PIEZO2: variants seen among roughly 807,000 people sequenced by gnomAD.
PIEZO2 encodes piezo type mechanosensitive ion channel component 2, also known as piezo-type mechanosensitive ion channel component 2.
A neutral mutation model predicts 337.3 loss-of-function variants in PIEZO2; 172 were observed. The observed-to-expected ratio is 0.51, with a 90% CI of 0.45 to 0.58. The LOEUF is 0.58. Among genes scored for constraint, PIEZO2 ranks in the 20% least tolerant of loss-of-function variants. The pLI, the probability that PIEZO2 is intolerant of heterozygous loss-of-function variation, is 0.00. For synonymous variants in PIEZO2, 1,251 were observed against 1,228.5 expected (o/e 1.02, Z -0.38); for missense variants, 3,028 against 3,391.3 (o/e 0.89, Z 2.66).
Position 11,127,791 on chromosome 18 carries a change from G to GTGTGTGCA in PIEZO2, c.64+20733_64+20734insTGCACACA, listed in dbSNP as rs1568397620. Among the ~76,000 whole-genome samples, 4 of 77,198 alleles carry GTGTGTGCA rather than the reference G, an allele frequency of 5.2e-5. No homozygotes were observed. The highest frequency in any genetic ancestry group is 3.8e-4 in the East Asian group (1 of 2,634). The allele number at this position is 77,198 out of a possible 152,430, so 50.6% of individuals were successfully genotyped here. A position where few individuals can be genotyped will look rare whatever the true frequency, so the allele number is the denominator to read the frequency against. ...ATATGATATATATGCATATACGTGTGTGTGTGTGTGCATGTGTGTGTGTGT... is the reference window on the plus strand; with the variant it reads ...ATATGATATATATGCATATACGTGTGTGTGTGCATGTGTGTGTGCATGTGTGTGTGTGT... On this transcript the variant is annotated intron_variant, in intron 1 of 55. Coordinates refer to ENST00000674853, the MANE Select transcript of PIEZO2 (RefSeq NM_001378183.1). The surrounding 1 kb of genome is among the most constrained non-coding windows in gnomAD (Gnocchi z 4.5).
At chr18:11,039,334 C>T (rs187561132) in intron 2 of PIEZO2, among the ~76,000 whole-genome samples, 24 of 152,254 alleles carry the variant, frequency 1.6e-4, no homozygotes, top group Admixed American at 1.0e-3. Context: ...ACAAATGGAA[C>T]ATTCTATAGG....
rs1243764694 is a variant in PIEZO2 at position 11,047,867 on chromosome 18, C to T, written c.160+18260G>A. On this transcript the variant is annotated intron_variant, in intron 2 of 55. Transcript: ENST00000674853. This position sits in a 1 kb window ranked among gnomAD's most constrained non-coding sequence, Gnocchi z 7.2. Reference sequence around the variant, plus strand: ...GTTTGAGGGTGACATTCCTTTGCACCTAAGTGCAAAGGGACCTGTAAGAGT... The same window carrying T: ...GTTTGAGGGTGACATTCCTTTGCACTTAAGTGCAAAGGGACCTGTAAGAGT... Among the ~76,000 whole-genome samples the T allele has an allele frequency of 6.6e-6, 1 of 152,164 alleles. No individual in the cohort carries two copies. Among genetic ancestry groups the T allele is most frequent in the Non-Finnish European group, 1.5e-5 (1 of 68,026 alleles).
chr18:10,771,799 C>T (rs967712271), intron 20 of PIEZO2, among the ~76,000 whole-genome samples: 1 of 152,196 alleles, frequency 6.6e-6, no homozygotes, highest in Non-Finnish European at 1.5e-5. Context: ...CCCGCTCTGT[C>T]CTTCCCCTTG....
At position 10,714,779 on chromosome 18, in the gene PIEZO2, T is replaced by C. The variant is rs761771754; in HGVS notation, c.5408A>G (p.His1803Arg). 6.5e-7 allele frequency: 1 copy of C among 1,537,194 alleles called. No homozygotes were observed. The highest frequency in any genetic ancestry group is 1.2e-5 in the South Asian group (1 of 84,036). The change falls in exon 39 of 56, where the codon CAT (histidine) becomes CGT (arginine). Residue 1803 changes from histidine (H) to arginine (R), a missense_variant. By Grantham distance (29) the His-to-Arg change is conservative. This residue lies in a region of PIEZO2 where 1,925 missense variants were observed against 2,051.9 expected (regional missense o/e 0.94). Transcript: ENST00000674853. ...AGTGAAATACCTGGAGATACTGTCA[T>C]GTGAATCTAAACTATCCATCCTGTG... ...TAHRMDSLDS[H>R]DSISSCYTEA... is the part of the protein sequence containing the mutation.
In PIEZO2 at chr18:11,038,801, C is replaced by A. The variant is rs138787690; in HGVS notation, c.160+27326G>T. Among the ~76,000 whole-genome samples, 183 of 152,168 alleles carry A rather than the reference C, an allele frequency of 1.2e-3. 1 individual carries two copies. Among genetic ancestry groups the A allele is most frequent in the African/African-American group, 4.4e-3 (182 of 41,514 alleles). On this transcript the variant is annotated intron_variant, in intron 2 of 55. Transcript: ENST00000674853. This position sits in a 1 kb window ranked among gnomAD's most constrained non-coding sequence, Gnocchi z 4.1. ...AGCTCTATACAACCTATAGGTATAACGGTGAGACACAAATTAGATAACATA... is the reference window on the plus strand; with the variant it reads ...AGCTCTATACAACCTATAGGTATAAAGGTGAGACACAAATTAGATAACATA...
rs1255539741 is a variant in PIEZO2 at position 11,027,145 on chromosome 18, A to G, written c.160+38982T>C. On this transcript the variant is annotated intron_variant, in intron 2 of 55. Transcript: ENST00000674853. This position sits in a 1 kb window ranked among gnomAD's most constrained non-coding sequence, Gnocchi z 4.2. ...TGACAAACAGCGATTTGGACAAACT[A>G]AAGTAGGAGCCAGAATTCAAGGGGC... Among the ~76,000 whole-genome samples the G allele has an allele frequency of 6.6e-6, 1 of 152,200 alleles. No homozygotes were observed. Among genetic ancestry groups the G allele is most frequent in the South Asian group, 2.1e-4 (1 of 4,830 alleles).
Position 10,859,901 on chromosome 18 carries a change from G to T in PIEZO2, c.493-2690C>A, listed in dbSNP as rs1309105792. ...GAGGGAGTGGTGGGGCTGAAGTGAA[G>T]ATCCTGTCTTTGGAGTCTGTTTTGG... On this transcript the variant is annotated intron_variant, in intron 5 of 55. Coordinates refer to ENST00000674853, the MANE Select transcript of PIEZO2 (RefSeq NM_001378183.1). The surrounding 1 kb of genome is among the most constrained non-coding windows in gnomAD (Gnocchi z 4.9). Among the ~76,000 whole-genome samples, 3 of 152,178 alleles carry T rather than the reference G, an allele frequency of 2.0e-5. No individual in the cohort carries two copies. Among genetic ancestry groups the T allele is most frequent in the Admixed American group, 2.0e-4 (3 of 15,286 alleles).
chr18:10,916,193 T>A (rs1598680360), intron 3 of PIEZO2, among the ~76,000 whole-genome samples: 2 of 152,280 alleles, frequency 1.3e-5, no homozygotes, highest in Admixed American at 1.3e-4. Context: ...ACAAAAGTTC[T>A]CCAAGTCACC....
rs2040820557 is a variant in PIEZO2 at position 11,146,706 on chromosome 18, T to C, written c.64+1819A>G. 6.6e-6 allele frequency among the ~76,000 whole-genome samples: 1 copy of C among 152,228 alleles called. No homozygotes were observed. Among genetic ancestry groups the C allele is most frequent in the Non-Finnish European group, 1.5e-5 (1 of 68,026 alleles). On this transcript the variant is annotated intron_variant, in intron 1 of 55. Transcript: ENST00000674853. The surrounding 1 kb of genome is among the most constrained non-coding windows in gnomAD (Gnocchi z 6.1). The stretch of plus-strand genomic sequence containing the variant: ...TCAGGGCAAGGTCGCAGGCAATCGC[T>C]GCTGGCACTTCATTCCGCCACTGGT...
intron 3 of PIEZO2, among the ~76,000 whole-genome samples, chr18:10,978,377 C>G (rs957039371): frequency 6.6e-6 from 1 of 151,608 alleles, no homozygotes; most frequent in Non-Finnish European, 1.5e-5. Context: ...AACTGCTGAA[C>G]TGTATATTTT....
chr18:10,908,651 G>A (rs1045077950), intron 4 of PIEZO2: 7 of 152,196 alleles, frequency 4.6e-5, no homozygotes, highest in Non-Finnish European at 1.5e-5. Context: ...GCCCTTAAAC[G>A]AGAAAACCTG....
At position 10,794,869 on chromosome 18, in the gene PIEZO2, A is replaced by T. The variant is rs978512526; in HGVS notation, c.1661T>A (p.Leu554Ter). Residue 554 changes from leucine (L) to a stop codon, truncating the protein, a stop_gained, in exon 13 of 56, where the codon TTG becomes TAG. Transcript: ENST00000674853. LOFTEE classifies it high-confidence loss of function. This position sits in a 1 kb window ranked among gnomAD's most constrained non-coding sequence, Gnocchi z 6.6. The part of the protein sequence containing the change: ...SPFMVVYGNL[L>*]LILQYIWSFE... ...ACTCCATATATACTGTAATATCAAC[A>T]ATAGGTTTCCATAAACCACCATGAA... is the stretch of plus-strand genomic sequence containing the variant. The T allele has an allele frequency of 1.2e-5, 19 of 1,537,532 alleles. No individual in the cohort carries two copies. Among genetic ancestry groups the T allele is most frequent in the Non-Finnish European group, 1.7e-5 (19 of 1,146,722 alleles).
At chr18:11,026,326 G>A (rs2036539531) in intron 2 of PIEZO2, among the ~76,000 whole-genome samples, 1 of 152,120 alleles carries the variant, frequency 6.6e-6, no homozygotes, top group Admixed American at 6.5e-5. Context: ...AGCCAGGGTA[G>A]AAACTCTGCT....
At chr18:10,777,221 C>T (rs1476810062) in intron 18 of PIEZO2, among the ~76,000 whole-genome samples, 8 of 152,210 alleles carry the variant, frequency 5.3e-5, no homozygotes, top group Non-Finnish European at 1.0e-4. Flanking sequence ...TGAGCTCTAA[C>T]CTTCTCACTG....
chr18:10,679,206 TTACAGG>T (rs1338231954), intron 52 of PIEZO2, among the ~76,000 whole-genome samples: 1 of 152,190 alleles, frequency 6.6e-6, no homozygotes, highest in African/African-American at 2.4e-5. Context: ...AGTGCCAGGA[TTACAGG>T]TGTGAGCCAC....
chr18:11,133,828 A>C (rs1320197736), intron 1 of PIEZO2, among the ~76,000 whole-genome samples: 1 of 149,218 alleles, frequency 6.7e-6, no homozygotes, highest in East Asian at 2.0e-4. Flanking sequence ...ATATATACTT[A>C]ATAAACTCCT....
At chr18:11,117,110 A>AC (rs991148059) in intron 1 of PIEZO2, among the ~76,000 whole-genome samples, 54 of 152,182 alleles carry the variant, frequency 3.5e-4, no homozygotes, top group African/African-American at 1.3e-3. Context: ...TGTCCCCCCC[A>AC]CAAAAAAATT....
intron 36 of PIEZO2, among the ~76,000 whole-genome samples, chr18:10,730,414 C>G (rs754646263): frequency 6.6e-6 from 1 of 152,146 alleles, no homozygotes; most frequent in Non-Finnish European, 1.5e-5. Flanking sequence ...TTCACACGCT[C>G]TCATTGATTG....
chr18:10,851,331 A>G (rs1176478829), intron 7 of PIEZO2, among the ~76,000 whole-genome samples: 2 of 152,032 alleles, frequency 1.3e-5, no homozygotes, highest in East Asian at 3.8e-4. Context: ...AATGGGGAGG[A>G]AATCTACAAC....
Sources: allele counts gnomAD v4.1 joint callset (sites outside exome capture counted in the v4.1 genomes callset), GRCh38; gene constraint gnomAD v4.1.1; regional missense constraint gnomAD v4.1.1; non-coding constraint Gnocchi (gnomAD v3.1); transcripts MANE v1.5; gene names NCBI Gene and HGNC (gene_info 2026-07-23, HGNC 2026-07-21).